MACROD2: variants seen among roughly 807,000 people sequenced by gnomAD.
The protein encoded by MACROD2 is mono-ADP ribosylhydrolase 2.
In MACROD2, 36 loss-of-function variants were observed where a neutral mutation model predicts 70.4. The observed-to-expected ratio is 0.51, with a 90% CI of 0.39 to 0.68. The LOEUF is 0.68. MACROD2 is among the 30% of genes least tolerant of loss of function. The pLI, the probability that MACROD2 is intolerant of heterozygous loss-of-function variation, is 0.00. For synonymous variants in MACROD2, 172 were observed against 178.8 expected (o/e 0.96, Z 0.30); for missense variants, 496 against 538.4 (o/e 0.92, Z 0.78).
chr20:14,251,181 A>C (rs1216424210), intron 3 of MACROD2, among the ~76,000 whole-genome samples: 1 of 152,124 alleles, frequency 6.6e-6, no homozygotes. Context: ...CAAAAAATAG[A>C]CTTAGGGACT....
chr20:15,217,854 G>A (rs531363152), intron 5 of MACROD2, among the ~76,000 whole-genome samples: 2 of 152,064 alleles, frequency 1.3e-5, no homozygotes, highest in African/African-American at 2.4e-5. Flanking sequence ...CTGTGGAAAG[G>A]TCTCTTGGTT....
Position 15,751,337 on chromosome 20 carries a change from A to G in MACROD2, c.646-111408A>G, listed in dbSNP as rs1033677728. Among the ~76,000 whole-genome samples the G allele has an allele frequency of 4.6e-5, 7 of 152,224 alleles. No individual in the cohort carries two copies. The East Asian group carries it at 1.4e-3, about 29-fold the overall frequency. Reference sequence around the variant, plus strand: ...GATTCAGGTACTAATGTTTACCCACAGTAAAAGTAACATTTTATTACTTTA... The same window carrying G: ...GATTCAGGTACTAATGTTTACCCACGGTAAAAGTAACATTTTATTACTTTA... On this transcript the variant is annotated intron_variant, in intron 8 of 17. Transcript: ENST00000684519.
chr20:14,661,979 A>C (rs189874982), intron 4 of MACROD2, among the ~76,000 whole-genome samples: 2 of 152,260 alleles, frequency 1.3e-5, no homozygotes, highest in African/African-American at 4.8e-5. Flanking sequence ...CGGTTATTGC[A>C]ATAAGTTCCA....
Position 15,983,014 on chromosome 20 carries a change from T to C in MACROD2, c.986-3713T>C, listed in dbSNP as rs570235242. 9.3e-4 allele frequency among the ~76,000 whole-genome samples: 142 copies of C among 152,330 alleles called. 1 individual carries two copies. The highest frequency in any genetic ancestry group is 1.5e-3 in the Non-Finnish European group (102 of 68,038). ...TGCCATTTTTTCTCTTTCTGACATA[T>C]AGAGTGTAAAGAGTTTTGTCAGGTC... On this transcript the variant is annotated intron_variant, in intron 13 of 17. Coordinates refer to ENST00000684519, the MANE Select transcript of MACROD2 (RefSeq NM_001351661.2).
At position 15,076,570 on chromosome 20, in the gene MACROD2, T is replaced by A. The variant is rs558901684; in HGVS notation, c.419-153370T>A. On this transcript the variant is annotated intron_variant, in intron 5 of 17. Transcript: ENST00000684519. ...CAACTCCCTTTTGGCAGGAACAATA[T>A]GCTTTCTCACTTTTCAGCTCCAAGG... Among the ~76,000 whole-genome samples the A allele has an allele frequency of 1.6e-3, 250 of 152,288 alleles. 1 individual carries two copies. Among genetic ancestry groups the A allele is most frequent in the Non-Finnish European group, 3.0e-3 (201 of 68,006 alleles).
At chr20:14,785,174 AACACAC>A (rs2072352874) in intron 5 of MACROD2, among the ~76,000 whole-genome samples, 1 of 150,896 alleles carries the variant, frequency 6.6e-6, no homozygotes, top group Non-Finnish European at 1.5e-5. Context: ...AACACACACA[AACACAC>A]ACACACCCAC....
chr20:15,035,747 C>G (rs2075307895), intron 5 of MACROD2, among the ~76,000 whole-genome samples: 1 of 152,192 alleles, frequency 6.6e-6, no homozygotes, highest in African/African-American at 2.4e-5. Flanking sequence ...GGATCTTTAA[C>G]TAGACAGAGG....
chr20:14,448,371 G>GT (rs1385510875), intron 3 of MACROD2, among the ~76,000 whole-genome samples: 3 of 151,950 alleles, frequency 2.0e-5, no homozygotes, highest in Non-Finnish European at 2.9e-5. Context: ...ACTTTCCCTA[G>GT]TGAATGGATT....
intron 5 of MACROD2, among the ~76,000 whole-genome samples, chr20:15,225,856 A>G (rs767298466): frequency 1.3e-5 from 2 of 152,214 alleles, no homozygotes; most frequent in East Asian, 1.9e-4. Context: ...ACTGTTCTGC[A>G]TATGGGCGAG....
In MACROD2 at chr20:14,619,996, A is replaced by G. The variant is rs549590170; in HGVS notation, c.302-64847A>G. Among the ~76,000 whole-genome samples the G allele has an allele frequency of 3.3e-5, 5 of 152,266 alleles. No homozygotes were observed. The South Asian group carries it at 6.2e-4, about 19-fold the overall frequency. ...AACACATATCTTTGTCTAAAAGACT[A>G]TGTGGCCCTGACATTTGTCACTTTG... On this transcript the variant is annotated intron_variant, in intron 4 of 17. Coordinates refer to ENST00000684519, the MANE Select transcript of MACROD2 (RefSeq NM_001351661.2).
intron 5 of MACROD2, among the ~76,000 whole-genome samples, chr20:15,195,288 T>C (rs2076598287): frequency 6.6e-6 from 1 of 151,848 alleles, no homozygotes; most frequent in Non-Finnish European, 1.5e-5. Flanking sequence ...ATGATCAGAG[T>C]GAACAGACAA....
At chr20:14,345,933 A>C (rs574238233) in intron 3 of MACROD2, among the ~76,000 whole-genome samples, 1 of 151,794 alleles carries the variant, frequency 6.6e-6, no homozygotes, top group African/African-American at 2.4e-5. Context: ...TACTACTAAA[A>C]ATACAAAAAA....
At chr20:14,590,449 G>T (rs2024925) in intron 4 of MACROD2, among the ~76,000 whole-genome samples, 96,650 of 151,474 alleles carry the variant, frequency 0.64, 32,451 homozygotes, top group East Asian at 0.93. Context: ...CTGTGGCATG[G>T]CTTAGGTAGG....
chr20:15,813,474 A>G (rs2063841133), intron 8 of MACROD2, among the ~76,000 whole-genome samples: 1 of 152,138 alleles, frequency 6.6e-6, no homozygotes, highest in Non-Finnish European at 1.5e-5. Flanking sequence ...ATATTGTCAC[A>G]CCTTGAATAT....
intron 4 of MACROD2, among the ~76,000 whole-genome samples, chr20:14,674,989 C>T (rs2070842030): frequency 6.6e-6 from 1 of 152,006 alleles, no homozygotes; most frequent in South Asian, 2.1e-4. Flanking sequence ...TGTGAAAATC[C>T]AAGAATTCCA....
intron 9 of MACROD2, among the ~76,000 whole-genome samples, chr20:15,878,284 A>T (rs972699381): frequency 1.3e-5 from 2 of 152,140 alleles, no homozygotes; most frequent in South Asian, 2.1e-4. Flanking sequence ...AAGTTAGTTC[A>T]GTTGAAATAT....
At chr20:14,276,195 C>G (rs1428357674) in intron 3 of MACROD2, among the ~76,000 whole-genome samples, 1 of 152,034 alleles carries the variant, frequency 6.6e-6, no homozygotes, top group Non-Finnish European at 1.5e-5. Flanking sequence ...TATTGCAGCA[C>G]TATTTGCAAT....
chr20:15,992,875 G>A (rs866316159), intron 15 of MACROD2, among the ~76,000 whole-genome samples: 2 of 152,044 alleles, frequency 1.3e-5, no homozygotes, highest in Non-Finnish European at 2.9e-5. Context: ...CCTCTCTGCC[G>A]AATTAGAGTT....
At chr20:15,621,178 C>T (rs1222315435) in intron 8 of MACROD2, among the ~76,000 whole-genome samples, 1 of 152,150 alleles carries the variant, frequency 6.6e-6, no homozygotes, top group African/African-American at 2.4e-5. Context: ...TGGGGTAGAA[C>T]ATTTTAACAC....
Sources: allele counts gnomAD v4.1 joint callset (sites outside exome capture counted in the v4.1 genomes callset), GRCh38; gene constraint gnomAD v4.1.1; transcripts MANE v1.5; gene names NCBI Gene and HGNC (gene_info 2026-07-23, HGNC 2026-07-21).